The following PDE1C variants were observed in gnomAD, a reference collection of about 807,000 sequenced individuals.
PDE1C encodes dual specificity calcium/calmodulin-dependent 3',5'-cyclic nucleotide phosphodiesterase 1C.
A neutral mutation model predicts 93.1 loss-of-function variants in PDE1C; 62 were observed. The observed-to-expected ratio is 0.67, with a 90% CI of 0.54 to 0.82. The LOEUF is 0.82. PDE1C is among the 40% of genes least tolerant of loss of function. PDE1C has a pLI of 0.00. For missense variants in PDE1C, 742 were observed against 884.6 expected (o/e 0.84, Z 2.04); for synonymous variants, 325 against 310.1 (o/e 1.05, Z -0.50).
At chr7:31,620,171 T>C in the PDE1C span, among the ~76,000 whole-genome samples, 1 of 152,152 alleles carries the variant, frequency 6.6e-6, no homozygotes, top group South Asian at 2.1e-4. Flanking sequence ...GCTCCACCTC[T>C]GGGGGCAGGG....
intron 16 of PDE1C, among the ~76,000 whole-genome samples, chr7:31,808,465 T>C (rs914493430): frequency 6.6e-6 from 1 of 151,976 alleles, no homozygotes; most frequent in Non-Finnish European, 1.5e-5. Flanking sequence ...CAGTAAAATG[T>C]TGTTAATCTT....
chr7:31,866,947 A>AGG (rs1276693029), intron 6 of PDE1C, among the ~76,000 whole-genome samples: 1 of 152,066 alleles, frequency 6.6e-6, no homozygotes, highest in African/African-American at 2.4e-5. Flanking sequence ...TGCTCCATAC[A>AGG]GGGAGCTCAT....
At chr7:31,908,321 C>T (rs1263489460) in intron 2 of PDE1C, among the ~76,000 whole-genome samples, 1 of 152,052 alleles carries the variant, frequency 6.6e-6, no homozygotes. Context: ...TCTTTTATTG[C>T]ATCATTTAAT....
At chr7:32,367,043 A>G (rs1351692700) in intron 1 of PDE1C, among the ~76,000 whole-genome samples, 1 of 152,090 alleles carries the variant, frequency 6.6e-6, no homozygotes, top group Non-Finnish European at 1.5e-5. Flanking sequence ...AAAGAAAAGA[A>G]AAAGAGAAGT....
chr7:32,140,951 C>G (rs933973286), intron 3 of PDE1C, among the ~76,000 whole-genome samples: 5 of 152,226 alleles, frequency 3.3e-5, no homozygotes, highest in Non-Finnish European at 7.3e-5. Flanking sequence ...TGGACTCTCT[C>G]TCTTACCTGT....
At chr7:31,773,378 C>T (rs932787710) in intron 17 of PDE1C, among the ~76,000 whole-genome samples, 1 of 152,050 alleles carries the variant, frequency 6.6e-6, no homozygotes, top group Non-Finnish European at 1.5e-5. Flanking sequence ...CCCAGCAGAG[C>T]AAGTGGGTCC....
chr7:32,366,195 T>G (rs1008059653), intron 1 of PDE1C, among the ~76,000 whole-genome samples: 3 of 151,976 alleles, frequency 2.0e-5, no homozygotes, highest in African/African-American at 7.3e-5. Flanking sequence ...GAAAAACAAT[T>G]CATGATTTGA....
chr7:31,823,287 T>G (rs191145475), intron 13 of PDE1C, 39 bp from the exon 14 acceptor site: 1 of 1,565,412 alleles, frequency 6.4e-7, no homozygotes, highest in African/African-American at 1.4e-5. Context: ...AGAGAGTTAG[T>G]GTTTGGAAAA....
intron 7 of PDE1C, among the ~76,000 whole-genome samples, chr7:31,862,669 C>T (rs1296991117): frequency 6.6e-6 from 1 of 152,178 alleles, no homozygotes; most frequent in Non-Finnish European, 1.5e-5. Flanking sequence ...ACCTGGTCAC[C>T]TCCCCTAGGC....
chr7:31,705,841 G>A, the PDE1C span, among the ~76,000 whole-genome samples: 286 of 152,110 alleles, frequency 1.9e-3, 1 homozygote, highest in Non-Finnish European at 3.3e-3. Flanking sequence ...GCCTTCCATC[G>A]CAGCTTCCTT....
intron 2 of PDE1C, among the ~76,000 whole-genome samples, chr7:32,197,550 A>G (rs1472113935): frequency 6.6e-6 from 1 of 152,194 alleles, no homozygotes; most frequent in Non-Finnish European, 1.5e-5. Flanking sequence ...GACAACCCAA[A>G]TGTCCATTGA....
chr7:31,922,111 A>G (rs770793205), intron 2 of PDE1C, among the ~76,000 whole-genome samples: 3 of 152,190 alleles, frequency 2.0e-5, no homozygotes, highest in Non-Finnish European at 2.9e-5. Flanking sequence ...AAGCTTATGA[A>G]ATTCACGGCA....
At chr7:32,083,221 C>T (rs1796828644) in intron 3 of PDE1C, among the ~76,000 whole-genome samples, 1 of 151,698 alleles carries the variant, frequency 6.6e-6, no homozygotes, top group African/African-American at 2.4e-5. Context: ...CCTCAGGAGC[C>T]AATGCGATCA....
At chr7:31,618,117 C>A in the PDE1C span, among the ~76,000 whole-genome samples, 1 of 152,186 alleles carries the variant, frequency 6.6e-6, no homozygotes, top group African/African-American at 2.4e-5. Flanking sequence ...CCTCTTGGTG[C>A]CCATCATTGT....
chr7:32,348,236 T>A, intron 1 of PDE1C, among the ~76,000 whole-genome samples: 1 of 151,872 alleles, frequency 6.6e-6, no homozygotes, highest in Non-Finnish European at 1.5e-5. Context: ...GATAGAAAGG[T>A]ATGTAAAGGA....
intron 3 of PDE1C, among the ~76,000 whole-genome samples, chr7:32,079,128 A>T (rs530574470): frequency 6.6e-6 from 1 of 152,316 alleles, no homozygotes; most frequent in East Asian, 1.9e-4. Flanking sequence ...ATCTGGAGGG[A>T]AATGATCTCA....
chr7:32,173,067 T>C (rs1029677461), intron 2 of PDE1C, among the ~76,000 whole-genome samples: 1 of 152,184 alleles, frequency 6.6e-6, no homozygotes, highest in African/African-American at 2.4e-5. Context: ...CACATATGTT[T>C]ATTGCAGCAC....
At chr7:32,015,295 TA>T (rs369811253) in intron 2 of PDE1C, among the ~76,000 whole-genome samples, 56 of 146,834 alleles carry the variant, frequency 3.8e-4, no homozygotes, top group Middle Eastern at 3.5e-3. Flanking sequence ...CAAATGAGTT[TA>T]AAAAAAAAAA....
intron 6 of PDE1C, among the ~76,000 whole-genome samples, chr7:31,870,136 T>A (rs1356023445): frequency 6.6e-6 from 1 of 151,964 alleles, no homozygotes; most frequent in Non-Finnish European, 1.5e-5. Flanking sequence ...GCAATAAATG[T>A]GTACATCCAA....
Sources: allele counts gnomAD v4.1 joint callset (sites outside exome capture counted in the v4.1 genomes callset), GRCh38; gene constraint gnomAD v4.1.1; transcripts MANE v1.5; gene names NCBI Gene and HGNC (gene_info 2026-07-23, HGNC 2026-07-21).